The following FARS2 variants were observed in gnomAD, a reference collection of about 807,000 sequenced individuals.
FARS2 encodes the protein phenylalanyl-tRNA synthetase 2, mitochondrial, also known as phenylalanine--tRNA ligase, mitochondrial.
A neutral mutation model predicts 46.4 loss-of-function variants in FARS2; 40 were observed. The observed-to-expected ratio is 0.86, with a 90% CI of 0.67 to 1.12. The LOEUF (loss-of-function observed/expected upper bound fraction) is 1.12. Ranked by LOEUF, FARS2 falls within the 50% of genes most tolerant of loss-of-function variation. The pLI is 0.00. For synonymous variants in FARS2, 234 were observed against 214.9 expected, an observed-to-expected ratio of 1.09 and a Z score of -0.78; for missense variants, 513 against 567.9, an observed-to-expected ratio of 0.90 and a Z score of 0.98.
At position 5,291,724 on chromosome 6, in the gene FARS2, A is replaced by T. The variant is rs370597486; in HGVS notation, c.-22+30064A>T. Among the ~76,000 whole-genome samples the T allele has an allele frequency of 1.1e-4, 16 of 152,182 alleles. No individual in the cohort carries two copies. The South Asian group carries it at 1.5e-3, about 14-fold the overall frequency. Reference sequence around the variant, plus strand: ...AGTGAGCTGTGATTGAGCCACTGCAAGCCAGTATGGACAACAGCAAGACCC... The same window carrying T: ...AGTGAGCTGTGATTGAGCCACTGCATGCCAGTATGGACAACAGCAAGACCC... On this transcript the variant is annotated intron_variant, in intron 1 of 6. Coordinates refer to ENST00000274680, the MANE Select transcript of FARS2 (RefSeq NM_006567.5).
intron 6 of FARS2, among the ~76,000 whole-genome samples, chr6:5,677,315 C>T (rs1311222565): frequency 6.6e-6 from 1 of 152,202 alleles, no homozygotes; most frequent in Non-Finnish European, 1.5e-5. Flanking sequence ...CTGCTTTCTT[C>T]TATCTCCTCC....
intron 6 of FARS2, among the ~76,000 whole-genome samples, chr6:5,663,606 G>A (rs1053611181): frequency 6.6e-6 from 1 of 152,190 alleles, no homozygotes; most frequent in Admixed American, 6.5e-5. Flanking sequence ...GCTTAAAAGA[G>A]CGGAGAGGAG....
intron 2 of FARS2, among the ~76,000 whole-genome samples, chr6:5,402,475 A>G (rs1396587808): frequency 6.6e-6 from 1 of 151,928 alleles, no homozygotes; most frequent in Admixed American, 6.6e-5. Context: ...ATAATTTTCT[A>G]TATTTTTATT....
chr6:5,748,391 AAAT>A (rs1177370439), intron 6 of FARS2, among the ~76,000 whole-genome samples: 2 of 152,234 alleles, frequency 1.3e-5, no homozygotes, highest in African/African-American at 4.8e-5. Flanking sequence ...TGTAAAGAGA[AAAT>A]AACCTCAAAA....
At chr6:5,259,798 A>AAAAAC (rs751177282), upstream of FARS2, among the ~76,000 whole-genome samples, 26 of 142,676 alleles carry the variant, frequency 1.8e-4, no homozygotes, top group Non-Finnish European at 3.5e-4. Context: ...GGTAGTTAGT[A>AAAAAC]AAAACAAAAC....
rs115234607 is a variant in FARS2, at chr6:5,505,840, C to A, written c.905-39340C>A. Among the ~76,000 whole-genome samples the A allele has an allele frequency of 2.1e-3, 318 of 152,302 alleles. 2 individuals carry two copies. Among genetic ancestry groups the A allele is most frequent in the African/African-American group, 7.3e-3 (304 of 41,570 alleles). Reference sequence around the variant, plus strand: ...CCAGGGTGTGGTTTTTCCTGAGACTCCCCTTCAGTTCCACCAGCTATTATA... The same window carrying A: ...CCAGGGTGTGGTTTTTCCTGAGACTACCCTTCAGTTCCACCAGCTATTATA... On this transcript the variant is annotated intron_variant, in intron 4 of 6. Transcript: ENST00000274680.
At chr6:5,325,390 C>G (rs1770297663) in intron 1 of FARS2, among the ~76,000 whole-genome samples, 1 of 152,266 alleles carries the variant, frequency 6.6e-6, no homozygotes, top group South Asian at 2.1e-4. Flanking sequence ...GTACTGCCCC[C>G]TCCTGCCATC....
At chr6:5,353,474 C>T (rs1301219728) in intron 1 of FARS2, among the ~76,000 whole-genome samples, 1 of 152,098 alleles carries the variant, frequency 6.6e-6, no homozygotes, top group Non-Finnish European at 1.5e-5. Context: ...TGAGGAAGCT[C>T]CTTACTGTTT....
intron 5 of FARS2, among the ~76,000 whole-genome samples, chr6:5,572,735 T>A (rs1474914279): frequency 6.6e-6 from 1 of 152,162 alleles, no homozygotes; most frequent in Non-Finnish European, 1.5e-5. Flanking sequence ...CTATCCATCC[T>A]AGATCTACTT....
chr6:5,333,393 T>C (rs1329997232), intron 1 of FARS2, among the ~76,000 whole-genome samples: 1 of 152,214 alleles, frequency 6.6e-6, no homozygotes, highest in Non-Finnish European at 1.5e-5. Context: ...AGCCCAGGAC[T>C]GTTTCTTTCA....
At chr6:5,705,576 G>A (rs922810480) in intron 6 of FARS2, among the ~76,000 whole-genome samples, 7 of 152,008 alleles carry the variant, frequency 4.6e-5, no homozygotes, top group Admixed American at 1.3e-4. Context: ...ACACCTGGCC[G>A]CTAAAGAGGG....
intron 4 of FARS2, among the ~76,000 whole-genome samples, chr6:5,481,708 T>C (rs1766466937): frequency 1.4e-5 from 2 of 139,088 alleles, no homozygotes; most frequent in South Asian, 5.2e-4. Flanking sequence ...AATTTCTCAC[T>C]GGTCGTTTGA....
chr6:5,290,068 A>G (rs1767397090), intron 1 of FARS2, among the ~76,000 whole-genome samples: 1 of 152,336 alleles, frequency 6.6e-6, no homozygotes, highest in East Asian at 1.9e-4. Context: ...AAAGTGTAAA[A>G]TAGTTTTGGA....
At chr6:5,724,205 G>C (rs529415851) in intron 6 of FARS2, among the ~76,000 whole-genome samples, 1 of 152,374 alleles carries the variant, frequency 6.6e-6, no homozygotes, top group South Asian at 2.1e-4. Context: ...GCACAGGGCT[G>C]TCAGCCATCA....
chr6:5,461,180 C>T (rs971114396), intron 4 of FARS2, among the ~76,000 whole-genome samples: 6 of 151,870 alleles, frequency 4.0e-5, no homozygotes, highest in Non-Finnish European at 7.4e-5. Flanking sequence ...CTGGTACTAC[C>T]GGCATGCACC....
intron 4 of FARS2, among the ~76,000 whole-genome samples, chr6:5,488,689 G>T (rs1365126841): frequency 7.3e-6 from 1 of 137,838 alleles, no homozygotes; most frequent in Non-Finnish European, 1.6e-5. Flanking sequence ...TAGAAATCTC[G>T]TGTCTTTGCA....
At chr6:5,300,692 A>G (rs1768236029) in intron 1 of FARS2, among the ~76,000 whole-genome samples, 1 of 151,406 alleles carries the variant, frequency 6.6e-6, no homozygotes, top group South Asian at 2.1e-4. Context: ...TTTTTTTGAG[A>G]CAGGGTCTTG....
At chr6:5,256,732 G>A (rs1379820411), upstream of FARS2, among the ~76,000 whole-genome samples, 3 of 152,024 alleles carry the variant, frequency 2.0e-5, no homozygotes, top group East Asian at 3.9e-4. Flanking sequence ...TACCTCTGCT[G>A]GGCATCCCAG....
intron 6 of FARS2, among the ~76,000 whole-genome samples, chr6:5,724,023 C>G (rs552244495): frequency 6.6e-6 from 1 of 152,096 alleles, no homozygotes; most frequent in Non-Finnish European, 1.5e-5. Flanking sequence ...GTGGGCTCGG[C>G]GGGAAAGGAA....
Sources: allele counts gnomAD v4.1 joint callset (sites outside exome capture counted in the v4.1 genomes callset), GRCh38; gene constraint gnomAD v4.1.1; transcripts MANE v1.5; gene names NCBI Gene and HGNC (gene_info 2026-07-23, HGNC 2026-07-21).